Variants in FBXL6 observed in about 807,000 individuals in gnomAD.
FBXL6 encodes F-box and leucine rich repeat protein 6.
A neutral mutation model predicts 53.3 loss-of-function variants in FBXL6; 50 were observed. The ratio of observed to expected loss-of-function variants is 0.94; its 90% CI spans 0.75 to 1.19. FBXL6 has a LOEUF of 1.19. Ranked by LOEUF, FBXL6 falls within the 50% of genes most tolerant of loss-of-function variation. The pLI is 0.00. For missense variants in FBXL6, 815 were observed against 719.0 expected (o/e 1.13, Z -1.53); for synonymous variants, 405 against 322.9 (o/e 1.25, Z -2.73).
In FBXL6 at chr8:144,356,405, C is replaced by T. The variant is rs377530791; in HGVS notation, c.1120G>A (p.Glu374Lys). 62 of 1,604,646 alleles carry T rather than the reference C, an allele frequency of 3.9e-5. No individual in the cohort carries two copies. Among genetic ancestry groups the T allele is most frequent in the East Asian group, 6.8e-5 (3 of 44,050 alleles). ...CCGTGGAGTAGGCGGCCCAGGACCT[C>T]GTTGCTCACAAAGTTGCAGGTTGAG... The part of the protein sequence containing the change: ...ASSTCNFVSN[E>K]VLGRLLHGSP... Residue 374 changes from glutamate (E) to lysine (K), a missense_variant, in exon 7 of 9, where the codon GAG becomes AAG. Coordinates refer to ENST00000331890, the MANE Select transcript of FBXL6 (RefSeq NM_012162.4).
At chr8:144,357,349 T>C in intron 3 of FBXL6, 90 bp downstream of exon 3, 1 of 1,380,242 alleles carries the variant, frequency 7.2e-7, no homozygotes, top group Non-Finnish European at 1.0e-6. Flanking sequence ...GGAGCAGCGT[T>C]GGGCCCCCAA....
rs147241187 is a variant in FBXL6 at position 144,356,864 on chromosome 8, G to A, written c.823C>T (p.Arg275Cys). 28 of 1,613,392 alleles carry A rather than the reference G, an allele frequency of 1.7e-5. No individual in the cohort carries two copies. In the Admixed American group the frequency reaches 3.2e-4, roughly 18 times the overall value. ...GAGCTGTAGGTCAGCCACAACTTGC[G>A]CATTCGGGACCCTGCCTCCTCCAAG... is the stretch of plus-strand genomic sequence containing the variant. ...SFLEEAGSRM[R>C]KLWLTYSSQT... The change falls in exon 5 of 9, where the codon CGC becomes TGC. Residue 275 changes from arginine to cysteine, a missense_variant. Transcript: ENST00000331890.
In FBXL6 at chr8:144,358,148, C is replaced by A; in HGVS notation, c.300G>T (p.Thr100=). The change falls in exon 1 of 9, where the codon ACG becomes ACT. Residue 100 remains threonine, a synonymous_variant. Transcript: ENST00000331890. The part of the protein sequence containing the change: ...AAAPAPAPAP[T]PTPEEGPDAG... ...CGTCGGGCCCTTCCTCGGGCGTGGG[C>A]GTGGGTGCCGGTGCGGGTGCGGGCG... The A allele has an allele frequency of 2.6e-6, 4 of 1,547,910 alleles. No homozygotes were observed. The highest frequency in any genetic ancestry group is 2.3e-5 in the South Asian group (2 of 85,506).
At chr8:144,356,764 C>A in intron 5 of FBXL6, 44 bp downstream of exon 5, 3 of 1,611,384 alleles carry the variant, frequency 1.9e-6, no homozygotes, top group Non-Finnish European at 2.5e-6. Flanking sequence ...GCCTGGCAGT[C>A]CCCAGCTCAG....
intron 3 of FBXL6, 74 bp downstream of exon 3, chr8:144,357,365 C>A: frequency 1.3e-6 from 2 of 1,488,682 alleles, no homozygotes; most frequent in South Asian, 1.2e-5. Context: ...CCCAAGGTGC[C>A]TGACCCACTT....
Position 144,356,407 on chromosome 8 carries a change from T to C in FBXL6, c.1118A>G (p.Asn373Ser). 6.2e-7 allele frequency: 1 copy of C among 1,608,230 alleles called. No individual in the cohort carries two copies. Among genetic ancestry groups the C allele is most frequent in the Non-Finnish European group, 8.5e-7 (1 of 1,178,416 alleles). Residue 373 changes from asparagine (N) to serine (S), a missense_variant, in exon 7 of 9, where the codon AAC (asparagine) becomes AGC (serine). Asn to Ser is a conservative substitution (Grantham distance 46). Transcript: ENST00000331890. ...GTGGAGTAGGCGGCCCAGGACCTCG[T>C]TGCTCACAAAGTTGCAGGTTGAGCT... ...LASSTCNFVSNEVLGRLLHGS... is the reference protein window; with the variant it reads ...LASSTCNFVSSEVLGRLLHGS...
Position 144,358,156 on chromosome 8 carries a change from C to A in FBXL6, c.292G>T (p.Ala98Ser). The A allele has an allele frequency of 6.5e-7, 1 of 1,532,716 alleles. No homozygotes were observed. Among genetic ancestry groups the A allele is most frequent in the Non-Finnish European group, 8.7e-7 (1 of 1,148,284 alleles). The allele number at this position is 1,532,716 out of a possible 1,614,324, so 94.9% of individuals were successfully genotyped here. ...EAAAAPAPAPAPTPTPEEGPD... is the reference protein window; with the variant it reads ...EAAAAPAPAPSPTPTPEEGPD... Reference sequence around the variant, plus strand: ...CCTTCCTCGGGCGTGGGCGTGGGTGCCGGTGCGGGTGCGGGCGCGGCCGCC... The same window carrying A: ...CCTTCCTCGGGCGTGGGCGTGGGTGACGGTGCGGGTGCGGGCGCGGCCGCC... Residue 98 changes from alanine to serine, a missense_variant, in exon 1 of 9, where the codon GCA (alanine) becomes TCA (serine). Ala to Ser is a moderately conservative substitution (Grantham distance 99). Coordinates refer to ENST00000331890, the MANE Select transcript of FBXL6 (RefSeq NM_012162.4).
At position 144,358,169 on chromosome 8, in the gene FBXL6, G is replaced by T. The variant is rs782240396; in HGVS notation, c.279C>A (p.Pro93=). Residue 93 remains proline (P), a synonymous_variant, in exon 1 of 9, where the codon CCC becomes CCA. Transcript: ENST00000331890. The part of the protein sequence containing the change: ...AGLRSEAAAA[P]APAPAPTPTP... Reference sequence around the variant, plus strand: ...TGGGCGTGGGTGCCGGTGCGGGTGCGGGCGCGGCCGCCGCCTCGGACCTGA... The same window carrying T: ...TGGGCGTGGGTGCCGGTGCGGGTGCTGGCGCGGCCGCCGCCTCGGACCTGA... 4.0e-6 allele frequency: 6 copies of T among 1,484,688 alleles called. No individual in the cohort carries two copies. The highest frequency in any genetic ancestry group is 5.3e-6 in the Non-Finnish European group (6 of 1,125,502). The allele number at this position is 1,484,688 out of a possible 1,614,324, so 92.0% of individuals were successfully genotyped here. A position where few individuals can be genotyped will look rare whatever the true frequency, so the allele number is the denominator to read the frequency against.
rs1818566544 is a variant in FBXL6, at chr8:144,358,281, C to T, written c.167G>A (p.Arg56Gln). The part of the protein sequence containing the change: ...LLVLSEPGPA[R>Q]PRAQRRASRR... Reference sequence around the variant, plus strand: ...GGAAGCGCGCCGCTGTGCGCGGGGCCGGGCGGGGCCGGGTTCGGACAGCAC... The same window carrying T: ...GGAAGCGCGCCGCTGTGCGCGGGGCTGGGCGGGGCCGGGTTCGGACAGCAC... The change falls in exon 1 of 9, where the codon CGG becomes CAG. Residue 56 changes from arginine to glutamine, a missense_variant. Arg to Gln is a conservative substitution (Grantham distance 43). Coordinates refer to ENST00000331890, the MANE Select transcript of FBXL6 (RefSeq NM_012162.4). 8.1e-7 allele frequency: 1 copy of T among 1,232,642 alleles called. No individual in the cohort carries two copies. Among genetic ancestry groups the T allele is most frequent in the Non-Finnish European group, 1.0e-6 (1 of 987,736 alleles). The allele number at this position is 1,232,642 out of a possible 1,614,324, so 76.4% of individuals were successfully genotyped here.
At position 144,358,252 on chromosome 8, in the gene FBXL6, G is replaced by T; in HGVS notation, c.196C>A (p.Arg66Ser). The change falls in exon 1 of 9, where the codon CGC becomes AGC. Residue 66 changes from arginine (R) to serine (S), a missense_variant. Transcript: ENST00000331890. The stretch of plus-strand genomic sequence containing the variant: ...CCCCGGGGCGGCTGCCGGGGAGTGC[G>T]GCGGGAAGCGCGCCGCTGTGCGCGG... ...RPRAQRRASRRTPRQPPRGPS... is the reference protein window; with the variant it reads ...RPRAQRRASRSTPRQPPRGPS... 2.5e-6 allele frequency: 3 copies of T among 1,217,062 alleles called. No homozygotes were observed. The highest frequency in any genetic ancestry group is 3.1e-6 in the Non-Finnish European group (3 of 978,406). The allele number at this position is 1,217,062 out of a possible 1,614,324, so 75.4% of individuals were successfully genotyped here. A position where few individuals can be genotyped will look rare whatever the true frequency, so the allele number is the denominator to read the frequency against.
At chr8:144,357,373 C>A in intron 3 of FBXL6, 66 bp downstream of exon 3, 1 of 1,521,010 alleles carries the variant, frequency 6.6e-7, no homozygotes, top group Non-Finnish European at 8.9e-7. Flanking sequence ...GCCTGACCCA[C>A]TTCCTAGAGT....
chr8:144,358,312 G>C lies in FBXL6; in HGVS notation c.136C>G (p.Leu46Val). The C allele has an allele frequency of 7.9e-7, 1 of 1,261,820 alleles. No individual in the cohort carries two copies. The highest frequency in any genetic ancestry group is 3.7e-5 in the South Asian group (1 of 27,386). 78.2% of individuals were successfully genotyped at this position (1,261,820 alleles called of 1,614,324 possible). Reference protein sequence around the residue: ...GYHLLQSDSMLLVLSEPGPAR... With the variant: ...GYHLLQSDSMVLVLSEPGPAR... Reference sequence around the variant, plus strand: ...GGGCCGGGTTCGGACAGCACCAGCAGCATGCTGTCGGACTGCAGCAGGTGG... The same window carrying C: ...GGGCCGGGTTCGGACAGCACCAGCACCATGCTGTCGGACTGCAGCAGGTGG... The change falls in exon 1 of 9, where the codon CTG (leucine) becomes GTG (valine). Residue 46 changes from leucine to valine, a missense_variant. By Grantham distance (32) the Leu-to-Val change is conservative. Coordinates refer to ENST00000331890, the MANE Select transcript of FBXL6 (RefSeq NM_012162.4).
Position 144,357,008 on chromosome 8 carries a change from C to T in FBXL6, c.753G>A (p.Leu251=), listed in dbSNP as rs782262513. The T allele has an allele frequency of 4.3e-6, 7 of 1,613,018 alleles. No individual in the cohort carries two copies. In the African/African-American group the frequency reaches 6.7e-5, roughly 15 times the overall value. The part of the protein sequence containing the change: ...LAKACCQLHS[L]DLQHSMVEST... ...GGCTCACCATGGAGTGCTGTAGGTC[C>T]AGGCTATGGAGCTGGCAGCAGGCTT... The change falls in exon 4 of 9, where the codon CTG becomes CTA. Residue 251 remains leucine (L), a synonymous_variant. Coordinates refer to ENST00000331890, the MANE Select transcript of FBXL6 (RefSeq NM_012162.4).
In FBXL6 at chr8:144,358,438, G is replaced by A. The variant is rs1322316060; in HGVS notation, c.10C>T (p.Pro4Ser). The A allele has an allele frequency of 2.7e-5, 34 of 1,242,872 alleles. No individual in the cohort carries two copies. The highest frequency in any genetic ancestry group is 3.2e-5 in the Non-Finnish European group (32 of 993,932). The allele number at this position is 1,242,872 out of a possible 1,614,324, so 77.0% of individuals were successfully genotyped here. Residue 4 changes from proline (P) to serine (S), a missense_variant, in exon 1 of 9, where the codon CCA (proline) becomes TCA (serine). Physicochemically the swap from Pro to Ser is moderately conservative, Grantham distance 74. Transcript: ENST00000331890. MAAPASRQVRRRAR... is the reference protein window; with the variant it reads MAASASRQVRRRAR... ...CTGCGTCGGACCTGCCGGGAGGCTG[G>A]GGCAGCCATGACCACCGACGGCGCT...
At chr8:144,355,760 T>A in intron 8 of FBXL6, 82 bp from the exon 9 acceptor site, 1 of 1,563,018 alleles carries the variant, frequency 6.4e-7, no homozygotes. Flanking sequence ...CCTGCTGGTG[T>A]TCGACACCTG....
At position 144,357,768 on chromosome 8, in the gene FBXL6, G is replaced by A. The variant is rs1554853257; in HGVS notation, c.435C>T (p.Arg145=). The A allele has an allele frequency of 1.3e-6, 2 of 1,583,298 alleles. No homozygotes were observed. The highest frequency in any genetic ancestry group is 1.7e-6 in the Non-Finnish European group (2 of 1,168,064). ...PFLGRAARVC[R]RWQEAASQPA... ...GTTGGGAAGCGGCCTCCTGCCAGCGGCGGCACACGCGCGCAGCCCTGGGAG... is the reference window on the plus strand; with the variant it reads ...GTTGGGAAGCGGCCTCCTGCCAGCGACGGCACACGCGCGCAGCCCTGGGAG... The change falls in exon 2 of 9, where the codon CGC becomes CGT. Residue 145 remains arginine (R), a synonymous_variant. Transcript: ENST00000331890.
Position 144,356,821 on chromosome 8 carries a change from A to G in FBXL6, c.866T>C (p.Leu289Pro), listed in dbSNP as rs1554852939. Reference sequence around the variant, plus strand: ...ATGCCAACTTACCAGCAGTGCGCCCAGGATGGCTGTCGTCTGGGAGCTGTA... The same window carrying G: ...ATGCCAACTTACCAGCAGTGCGCCCGGGATGGCTGTCGTCTGGGAGCTGTA... ...LTYSSQTTAI[L>P]GALLGSCCPQ... Residue 289 changes from leucine (L) to proline (P), a missense_variant, in exon 5 of 9, where the codon CTG becomes CCG. Coordinates refer to ENST00000331890, the MANE Select transcript of FBXL6 (RefSeq NM_012162.4). The G allele has an allele frequency of 2.5e-6, 4 of 1,613,252 alleles. No homozygotes were observed. Among genetic ancestry groups the G allele is most frequent in the East Asian group, 2.2e-5 (1 of 44,904 alleles).
chr8:144,356,095 C>A lies in FBXL6; in HGVS notation c.1345G>T (p.Gly449Cys). ...AGGTCCTTCTCACTGAACCCCTGGC[C>A]ACTCAAGTCCAGTTCTCGCAGTGTA... ...CHTLRELDLS[G>C]QGFSEKDLEQ... The change falls in exon 8 of 9, where the codon GGC becomes TGC. Residue 449 changes from glycine (G) to cysteine (C), a missense_variant. Physicochemically the swap from Gly to Cys is radical, Grantham distance 159. Coordinates refer to ENST00000331890, the MANE Select transcript of FBXL6 (RefSeq NM_012162.4). 1 of 1,612,976 alleles carries A rather than the reference C, an allele frequency of 6.2e-7. No homozygotes were observed. The highest frequency in any genetic ancestry group is 8.5e-7 in the Non-Finnish European group (1 of 1,180,020).
Position 144,355,583 on chromosome 8 carries a change from TCCAGGCCCCG to T in FBXL6, c.1558_1567del (p.Gly521LysfsTer40), listed in dbSNP as rs1554852512. 2 of 1,611,252 alleles carry T rather than the reference TCCAGGCCCCG, an allele frequency of 1.2e-6. No homozygotes were observed. The highest frequency in any genetic ancestry group is 2.2e-5 in the South Asian group (2 of 91,000). On this transcript the variant is annotated frameshift_variant, in exon 9 of 9. Transcript: ENST00000331890. LOFTEE classifies it high-confidence loss of function. ...CTGCTCCAGACACCACTGGACTTCC[TCCAGGCCCCG>T]GTAGGCCCGCTTCAGACCCCGGGGA... is the stretch of plus-strand genomic sequence containing the variant.
Sources: allele counts gnomAD v4.1 joint callset, GRCh38; gene constraint gnomAD v4.1.1; transcripts MANE v1.5; gene names NCBI Gene and HGNC (gene_info 2026-07-23, HGNC 2026-07-21).